ANKMY1: variants seen among roughly 807,000 people sequenced by gnomAD.
The protein encoded by ANKMY1 is ankyrin repeat and MYND domain-containing protein 1.
ANKMY1 carries 98 observed loss-of-function variants against 102.0 expected under a neutral mutation model. That is an observed-to-expected ratio of 0.96 (90% CI 0.82 to 1.14). The LOEUF is 1.14. ANKMY1 is among the 50% of genes most tolerant of loss of function. The pLI is 0.00. For missense variants in ANKMY1, 1,330 were observed against 1,347.6 expected (o/e 0.99, Z 0.20); for synonymous variants, 582 against 559.9 (o/e 1.04, Z -0.56).
At chr2:240,535,559 T>C (rs1158078229) in intron 4 of ANKMY1, among the ~76,000 whole-genome samples, 1 of 152,236 alleles carries the variant, frequency 6.6e-6, no homozygotes, top group African/African-American at 2.4e-5. Flanking sequence ...CAAGAGACTT[T>C]GCAGGGCAAT....
downstream of ANKMY1, among the ~76,000 whole-genome samples, chr2:240,475,312 C>T (rs1559213471): frequency 6.6e-6 from 1 of 151,938 alleles, no homozygotes; most frequent in Non-Finnish European, 1.5e-5. Context: ...ATTAAAGTTG[C>T]AAGATACAAT....
intron 4 of ANKMY1, among the ~76,000 whole-genome samples, chr2:240,546,731 C>T (rs1312161307): frequency 6.6e-6 from 1 of 152,260 alleles, no homozygotes; most frequent in East Asian, 1.9e-4. Flanking sequence ...ATAAAAGAGA[C>T]TTTAAACCAA....
chr2:240,513,586 G>A lies in ANKMY1; in HGVS notation c.2005-644C>T, dbSNP rs188372529. Among the ~76,000 whole-genome samples, 44 of 152,398 alleles carry A rather than the reference G, an allele frequency of 2.9e-4. No homozygotes were observed. In the East Asian group the frequency reaches 5.4e-3, roughly 19 times the overall value. On this transcript the variant is annotated intron_variant, in intron 9 of 17. Transcript: ENST00000401804. Reference sequence around the variant, plus strand: ...AGGAGGGACCCCTGAGGGGGAGACAGGTGAGCCTGGATGGTGGGAAGAGCC... The same window carrying A: ...AGGAGGGACCCCTGAGGGGGAGACAAGTGAGCCTGGATGGTGGGAAGAGCC...
At chr2:240,517,204 A>G (rs1575094813) in intron 9 of ANKMY1, among the ~76,000 whole-genome samples, 2 of 152,246 alleles carry the variant, frequency 1.3e-5, no homozygotes, top group Non-Finnish European at 2.9e-5. Context: ...TTTCAGAATA[A>G]GCAGATTGCT....
In ANKMY1 at chr2:240,520,532, G is replaced by C. The variant is rs1397747494; in HGVS notation, c.1834C>G (p.Arg612Gly). Residue 612 changes from arginine (R) to glycine (G), a missense_variant and splice_region_variant, in exon 9 of 18, where the codon CGG (arginine) becomes GGG (glycine). By Grantham distance (125) the Arg-to-Gly change is moderately radical. Transcript: ENST00000401804. This position sits in a 1 kb window ranked among gnomAD's most constrained non-coding sequence, Gnocchi z 4.8. ...TTGATGGTCCGCCAGCGCTTCCTCC[G>C]CCTGAAAAAGACGGTGCGCCCGTGG... ...MRRMALSMIE[R>G]RKRWRTIKLL... is the part of the protein sequence containing the mutation. 3 of 1,610,662 alleles carry C rather than the reference G, an allele frequency of 1.9e-6. No homozygotes were observed. The highest frequency in any genetic ancestry group is 1.7e-4 in the Middle Eastern group (1 of 6,040).
chr2:240,545,238 C>T (rs1040167478), intron 4 of ANKMY1, among the ~76,000 whole-genome samples: 1 of 152,234 alleles, frequency 6.6e-6, no homozygotes, highest in Non-Finnish European at 1.5e-5. Context: ...AGGCACCCCC[C>T]AGCAGGGGCA....
intron 4 of ANKMY1, among the ~76,000 whole-genome samples, chr2:240,535,159 C>A (rs994046660): frequency 1.3e-5 from 2 of 152,154 alleles, no homozygotes; most frequent in African/African-American, 4.8e-5. Context: ...AGAACATGTG[C>A]CCAAGGTGGT....
At chr2:240,496,990 A>G (rs927505398) in intron 15 of ANKMY1, among the ~76,000 whole-genome samples, 12 of 152,228 alleles carry the variant, frequency 7.9e-5, no homozygotes, top group Non-Finnish European at 1.3e-4. Context: ...AGTTTCACCT[A>G]TATTTCCAGT....
intron 15 of ANKMY1, among the ~76,000 whole-genome samples, chr2:240,482,968 G>C (rs1431181564): frequency 6.6e-6 from 1 of 152,156 alleles, no homozygotes; most frequent in Non-Finnish European, 1.5e-5. Context: ...GGGTGTCTGT[G>C]ATTAGGTGCA....
chr2:240,531,445 G>C (rs2085369287), intron 4 of ANKMY1, among the ~76,000 whole-genome samples: 2 of 152,184 alleles, frequency 1.3e-5, no homozygotes, highest in Admixed American at 1.3e-4. Context: ...GTTCTGGGCA[G>C]CTTTATTCAT....
At chr2:240,510,102 C>G (rs1266905055) in intron 11 of ANKMY1, among the ~76,000 whole-genome samples, 5 of 142,312 alleles carry the variant, frequency 3.5e-5, no homozygotes, top group Non-Finnish European at 6.2e-5. Context: ...GCTTCCCTGC[C>G]TCCTTGCCCT....
chr2:240,539,292 T>C (rs1172472798), intron 4 of ANKMY1, among the ~76,000 whole-genome samples: 1 of 151,150 alleles, frequency 6.6e-6, no homozygotes, highest in East Asian at 2.0e-4. Context: ...AACGAACAAC[T>C]CTGGACCAGA....
intron 5 of ANKMY1, chr2:240,526,986 C>G: frequency 7.0e-6 from 7 of 1,005,930 alleles, no homozygotes; most frequent in Non-Finnish European, 8.3e-6. Flanking sequence ...ACCTAACAGT[C>G]TTCAACAATT....
intron 15 of ANKMY1, among the ~76,000 whole-genome samples, chr2:240,486,839 C>CA (rs1477276219): frequency 6.6e-6 from 1 of 152,156 alleles, no homozygotes; most frequent in Admixed American, 6.5e-5. Context: ...TTGAATACGT[C>CA]ATCCCACTGT....
chr2:240,511,907 C>T lies in ANKMY1; in HGVS notation c.2240G>A (p.Gly747Asp), dbSNP rs751087943. ...GCAGGCCATGTGCAGAGCCGTCCTG[C>T]CCCCCTCCTCCGGGAGGGCTGTGTC... Reference protein sequence around the residue: ...STDTALPEEGGRTALHMACER... With the variant: ...STDTALPEEGDRTALHMACER... The change falls in exon 11 of 18, where the codon GGC (glycine) becomes GAC (aspartate). Residue 747 changes from glycine (G) to aspartate (D), a missense_variant. Transcript: ENST00000401804. 14 of 1,584,658 alleles carry T rather than the reference C, an allele frequency of 8.8e-6. No homozygotes were observed. In the South Asian group the frequency reaches 1.0e-4, roughly 11 times the overall value.
rs762258720 is a variant in ANKMY1, at chr2:240,529,459, G to A, written c.531C>T (p.Pro177=). The part of the protein sequence containing the change: ...QRFGPGVETY[P]DGSQDVGLWF... ...ACAGCCCCACGTCCTGGCTGCCATC[G>A]GGGTAGGTCTCGACACCTGGCCCAA... The change falls in exon 5 of 18, where the codon CCC becomes CCT. Residue 177 remains proline (P), a synonymous_variant. Transcript: ENST00000401804. This position sits in a 1 kb window ranked among gnomAD's most constrained non-coding sequence, Gnocchi z 4.2. 2.7e-5 allele frequency: 44 copies of A among 1,613,906 alleles called. No individual in the cohort carries two copies. Among genetic ancestry groups the A allele is most frequent in the Admixed American group, 6.7e-5 (4 of 59,994 alleles).
intron 15 of ANKMY1, among the ~76,000 whole-genome samples, chr2:240,490,576 A>G (rs896069108): frequency 1.3e-5 from 2 of 152,178 alleles, no homozygotes; most frequent in African/African-American, 4.8e-5. Flanking sequence ...GTATATACAT[A>G]GTTGTATATA....
At chr2:240,483,116 T>C (rs1471859966) in intron 15 of ANKMY1, among the ~76,000 whole-genome samples, 1 of 152,180 alleles carries the variant, frequency 6.6e-6, no homozygotes, top group Non-Finnish European at 1.5e-5. Context: ...GCTGTTCCCA[T>C]GTTAGTTTTT....
chr2:240,509,465 G>A lies in ANKMY1; in HGVS notation c.2287-10C>T, dbSNP rs775892946. On this transcript the variant is annotated splice_polypyrimidine_tract_variant and intron_variant, in intron 11 of 17. Coordinates refer to ENST00000401804, the MANE Select transcript of ANKMY1 (RefSeq NM_001282771.3). Reference sequence around the variant, plus strand: ...CTATGTCCCTGGCACACTGGGTGGGGAGAAATGACAGGTTAGAGAGGCACC... The same window carrying A: ...CTATGTCCCTGGCACACTGGGTGGGAAGAAATGACAGGTTAGAGAGGCACC... 2 of 1,601,708 alleles carry A rather than the reference G, an allele frequency of 1.2e-6. No homozygotes were observed. The highest frequency in any genetic ancestry group is 8.5e-7 in the Non-Finnish European group (1 of 1,171,388).
Sources: allele counts gnomAD v4.1 joint callset (sites outside exome capture counted in the v4.1 genomes callset), GRCh38; gene constraint gnomAD v4.1.1; non-coding constraint Gnocchi (gnomAD v3.1); transcripts MANE v1.5; gene names NCBI Gene and HGNC (gene_info 2026-07-23, HGNC 2026-07-21).